Variants in SEMA4F observed in about 807,000 individuals in gnomAD.
The protein encoded by SEMA4F is semaphorin-4F.
SEMA4F carries 51 observed loss-of-function variants against 78.4 expected under a neutral mutation model. The observed-to-expected ratio is 0.65, with a 90% confidence interval of 0.52 to 0.82. SEMA4F has a LOEUF of 0.82. Ranked by LOEUF, SEMA4F falls within the 40% of genes least tolerant of loss-of-function variation. The probability of loss-of-function intolerance (pLI) is 0.00; values close to 1 mark genes in which losing one functional copy is unlikely to be tolerated. For synonymous variants in SEMA4F, 418 were observed against 408.7 expected (o/e 1.02, Z -0.27); for missense variants, 938 against 1,014.4 (o/e 0.92, Z 1.02).
chr2:74,655,377 A>G (rs923366404), intron 1 of SEMA4F: 5 of 311,258 alleles, frequency 1.6e-5, no homozygotes, highest in Non-Finnish European at 3.5e-5. Context: ...CACATTTTAG[A>G]CTCTGCTGAG....
At chr2:74,662,888 G>A in intron 5 of SEMA4F, 63 bp downstream of exon 5, 1 of 1,363,996 alleles carries the variant, frequency 7.3e-7, no homozygotes, top group Non-Finnish European at 1.1e-6. Context: ...CACCCTTGCT[G>A]TTAGAATTTC....
At chr2:74,655,420 C>T (rs986280970) in intron 1 of SEMA4F, 4 of 232,856 alleles carry the variant, frequency 1.7e-5, no homozygotes, top group Non-Finnish European at 3.0e-5. Flanking sequence ...ACCTTGTTGT[C>T]TTCTCAGTGG....
At chr2:74,695,062 A>T in the SEMA4F span, among the ~76,000 whole-genome samples, 1 of 151,592 alleles carries the variant, frequency 6.6e-6, no homozygotes, top group African/African-American at 2.4e-5. Flanking sequence ...GATAGCTGGG[A>T]GGAGAATTTT....
intron 12 of SEMA4F, among the ~76,000 whole-genome samples, chr2:74,677,650 C>T (rs190064427): frequency 2.0e-5 from 3 of 152,260 alleles, no homozygotes; most frequent in East Asian, 1.9e-4. Flanking sequence ...TCACTTGATT[C>T]GAAAGTGTTT....
intron 1 of SEMA4F, chr2:74,655,413 T>C: frequency 4.2e-6 from 1 of 236,352 alleles, no homozygotes. Context: ...GCCGTGGACC[T>C]TGTTGTCTTC....
At chr2:74,692,658 A>G in the SEMA4F span, among the ~76,000 whole-genome samples, 12 of 152,188 alleles carry the variant, frequency 7.9e-5, no homozygotes, top group Non-Finnish European at 1.6e-4. Flanking sequence ...ACTGGGTATG[A>G]GTACTGAGGA....
At chr2:74,698,391 A>C in the SEMA4F span, among the ~76,000 whole-genome samples, 1 of 152,230 alleles carries the variant, frequency 6.6e-6, no homozygotes, top group Non-Finnish European at 1.5e-5. Context: ...GAGCTGTCAT[A>C]GAGTTGGGGT....
At chr2:74,663,334 A>G (rs1480505033) in intron 5 of SEMA4F, among the ~76,000 whole-genome samples, 1 of 152,214 alleles carries the variant, frequency 6.6e-6, no homozygotes, top group Non-Finnish European at 1.5e-5. Context: ...ATAGTATTTA[A>G]TTTTACGTAA....
intron 1 of SEMA4F, among the ~76,000 whole-genome samples, chr2:74,655,943 G>A (rs905060841): frequency 1.3e-5 from 2 of 152,062 alleles, no homozygotes; most frequent in Admixed American, 6.5e-5. Flanking sequence ...GAGCTAGGAA[G>A]GTAAATTCAT....
At chr2:74,692,029 G>C in the SEMA4F span, among the ~76,000 whole-genome samples, 4,451 of 152,260 alleles carry the variant, frequency 0.029, 195 homozygotes, top group African/African-American at 0.092. Context: ...ACTGGGCCAG[G>C]AGGGAAGCTG....
At chr2:74,659,506 C>G (rs142947822) in intron 4 of SEMA4F, among the ~76,000 whole-genome samples, 59 of 152,268 alleles carry the variant, frequency 3.9e-4, no homozygotes, top group African/African-American at 1.4e-3. Context: ...AGCCAGGGGT[C>G]TGTGTCCTGA....
At position 74,675,542 on chromosome 2, in the gene SEMA4F, C is replaced by T. The variant is rs370683897; in HGVS notation, c.1390C>T (p.Arg464Ter). 9 of 1,613,924 alleles carry T rather than the reference C, an allele frequency of 5.6e-6. No homozygotes were observed. The highest frequency in any genetic ancestry group is 3.3e-5 in the Admixed American group (2 of 60,012). Residue 464 changes from arginine to a stop codon, truncating the protein, a stop_gained, in exon 11 of 14, where the codon CGA becomes TGA. Coordinates refer to ENST00000357877, the MANE Select transcript of SEMA4F (RefSeq NM_004263.5). LOFTEE classifies it high-confidence loss of function. The part of the protein sequence containing the change: ...YLGTEDGHLH[R>*]AVRIGAQLSV... The stretch of plus-strand genomic sequence containing the variant: ...TCCCCTAGAGGATGGACACCTCCAC[C>T]GAGCAGTGCGGATCGGAGCTCAGCT...
At chr2:74,654,883 C>A (rs1176899416) in intron 1 of SEMA4F, among the ~76,000 whole-genome samples, 1 of 152,226 alleles carries the variant, frequency 6.6e-6, no homozygotes, top group Non-Finnish European at 1.5e-5. Context: ...TCGTTCATTT[C>A]GAAGTTCCGT....
rs763030487 is a variant in SEMA4F, at chr2:74,675,543, G to A, written c.1391G>A (p.Arg464Gln). The A allele has an allele frequency of 6.2e-6, 10 of 1,614,122 alleles. No homozygotes were observed. Among genetic ancestry groups the A allele is most frequent in the Admixed American group, 3.3e-5 (2 of 60,030 alleles). Residue 464 changes from arginine (R) to glutamine (Q), a missense_variant, in exon 11 of 14, where the codon CGA becomes CAA. Physicochemically the swap from Arg to Gln is conservative, Grantham distance 43. Transcript: ENST00000357877. ...CCCCTAGAGGATGGACACCTCCACC[G>A]AGCAGTGCGGATCGGAGCTCAGCTC... ...YLGTEDGHLH[R>Q]AVRIGAQLSV...
chr2:74,691,635 G>T, the SEMA4F span, among the ~76,000 whole-genome samples: 2 of 152,136 alleles, frequency 1.3e-5, no homozygotes, highest in African/African-American at 4.8e-5. Flanking sequence ...TTCCTAGTTT[G>T]CTTTTCCTAA....
intron 5 of SEMA4F, among the ~76,000 whole-genome samples, chr2:74,667,663 T>C (rs1435300528): frequency 2.0e-5 from 3 of 152,234 alleles, no homozygotes; most frequent in Non-Finnish European, 4.4e-5. Flanking sequence ...TTGTCTTTAT[T>C]TGCACTATTC....
intron 5 of SEMA4F, among the ~76,000 whole-genome samples, chr2:74,665,540 C>T (rs1382578289): frequency 6.6e-6 from 1 of 151,836 alleles, no homozygotes; most frequent in Non-Finnish European, 1.5e-5. Flanking sequence ...TTAAGTCACT[C>T]TTTAGTCTTA....
chr2:74,702,752 T>C, the SEMA4F span, among the ~76,000 whole-genome samples: 4 of 152,216 alleles, frequency 2.6e-5, no homozygotes, highest in Admixed American at 1.3e-4. Flanking sequence ...AGAATATGTA[T>C]AGTCACTGAT....
chr2:74,675,702 G>A (rs375684236), intron 11 of SEMA4F, 47 bp from the exon 12 acceptor site: 101 of 1,613,530 alleles, frequency 6.3e-5, no homozygotes, highest in Non-Finnish European at 8.4e-5. Context: ...GTGACCCTGA[G>A]GTCTGGGAGA....
Sources: allele counts gnomAD v4.1 joint callset (sites outside exome capture counted in the v4.1 genomes callset), GRCh38; gene constraint gnomAD v4.1.1; transcripts MANE v1.5; gene names NCBI Gene and HGNC (gene_info 2026-07-23, HGNC 2026-07-21).